SFMBT1: variants seen among roughly 807,000 people sequenced by gnomAD.
The protein encoded by SFMBT1 is Scm like with four mbt domains 1.
A neutral mutation model predicts 108.7 loss-of-function variants in SFMBT1; 32 were observed. That is an observed-to-expected ratio of 0.29 (90% confidence interval 0.22 to 0.40). SFMBT1 has a LOEUF of 0.40. SFMBT1 is among the 10% of genes least tolerant of loss of function. SFMBT1 has a pLI of 1.00. For synonymous variants in SFMBT1, 348 were observed against 369.5 expected, an observed-to-expected ratio of 0.94 and a Z score of 0.67; for missense variants, 816 against 1,059.6, an observed-to-expected ratio of 0.77 and a Z score of 3.19.
At chr3:52,939,752 T>C (rs1703125662) in intron 4 of SFMBT1, among the ~76,000 whole-genome samples, 1 of 152,150 alleles carries the variant, frequency 6.6e-6, no homozygotes, top group East Asian at 1.9e-4. Context: ...TATTTTAAAA[T>C]TTCTTTCCTT....
chr3:52,991,970 G>A (rs1327854119), intron 1 of SFMBT1, among the ~76,000 whole-genome samples: 2 of 152,214 alleles, frequency 1.3e-5, no homozygotes, highest in Non-Finnish European at 2.9e-5. Context: ...TCCCCGAGGA[G>A]GAGATTGTCC....
At chr3:52,934,096 TACTC>T (rs1489781576) in intron 5 of SFMBT1, among the ~76,000 whole-genome samples, 1 of 151,922 alleles carries the variant, frequency 6.6e-6, no homozygotes, top group Non-Finnish European at 1.5e-5. Context: ...CAAAAAAACA[TACTC>T]AACATCAACA....
chr3:53,034,279 G>C (rs1656347488), intron 1 of SFMBT1, among the ~76,000 whole-genome samples: 2 of 152,188 alleles, frequency 1.3e-5, no homozygotes, highest in South Asian at 4.1e-4. Flanking sequence ...TCTTTCCTTG[G>C]CAAGATTCAT....
At chr3:53,009,071 T>C (rs761019497) in intron 1 of SFMBT1, among the ~76,000 whole-genome samples, 1 of 149,874 alleles carries the variant, frequency 6.7e-6, no homozygotes, top group East Asian at 2.0e-4. Context: ...AGCCCAGGAG[T>C]TGGAGATCAA....
intron 2 of SFMBT1, 60 bp downstream of exon 2, chr3:52,969,041 C>T: frequency 1.3e-6 from 2 of 1,592,284 alleles, no homozygotes; most frequent in Non-Finnish European, 1.7e-6. Context: ...GACAATATAA[C>T]ACAGGCAAGT....
At chr3:52,916,267 G>A (rs1702352120) in intron 13 of SFMBT1, 53 bp from the exon 14 acceptor site, 4 of 1,511,884 alleles carry the variant, frequency 2.6e-6, no homozygotes, top group Non-Finnish European at 3.7e-6. Context: ...GATCAGTAAA[G>A]TGTGAGGCTT....
Position 52,943,484 on chromosome 3 carries a change from T to C in SFMBT1, c.233A>G (p.Gln78Arg), listed in dbSNP as rs776089661. Residue 78 changes from glutamine to arginine, a missense_variant, in exon 4 of 21, where the codon CAG (glutamine) becomes CGG (arginine). Gln to Arg is a conservative substitution (Grantham distance 43). Around this residue, in one of 5 missense-constraint regions of SFMBT1, gnomAD observed 495 missense variants for 607.4 expected, o/e 0.81. Coordinates refer to ENST00000394752, the MANE Select transcript of SFMBT1 (RefSeq NM_016329.4). ...WVATVITTCE[Q>R]LLLLRYDGYG... ...GCCATCATAGCGGAGAAGGAGCAAC[T>C]GCTCACAGGTAGTGATAACGGTGGC... 2 of 1,614,170 alleles carry C rather than the reference T, an allele frequency of 1.2e-6. No individual in the cohort carries two copies. The highest frequency in any genetic ancestry group is 1.7e-6 in the Non-Finnish European group (2 of 1,180,012).
At chr3:52,909,290 A>G (rs1702160028) in intron 17 of SFMBT1, among the ~76,000 whole-genome samples, 1 of 152,326 alleles carries the variant, frequency 6.6e-6, no homozygotes, top group East Asian at 1.9e-4. Context: ...GTGTGCTTAT[A>G]TATGCATTTA....
Position 52,912,570 on chromosome 3 carries a change from C to T in SFMBT1, c.1698G>A (p.Val566=). 1.2e-6 allele frequency: 2 copies of T among 1,614,180 alleles called. No individual in the cohort carries two copies. The highest frequency in any genetic ancestry group is 1.1e-5 in the South Asian group (1 of 91,090). The change falls in exon 16 of 21, where the codon GTG becomes GTA. Residue 566 remains valine (V), a synonymous_variant. Transcript: ENST00000394752. ...TTAGGACTTCCCCACATCCGTGCCA[C>T]ACAGAGTCTTTGTCCAGCTGGAGCT... The part of the protein sequence containing the change: ...LRELQLDKDS[V]WHGCGEVLKA...
At chr3:52,909,459 TTTAAA>T (rs1473153932) in intron 17 of SFMBT1, among the ~76,000 whole-genome samples, 3 of 152,218 alleles carry the variant, frequency 2.0e-5, no homozygotes, top group Non-Finnish European at 4.4e-5. Flanking sequence ...GATTTTGTAA[TTTAAA>T]TACTGATTAG....
chr3:52,922,128 G>C (rs578020856), intron 10 of SFMBT1, among the ~76,000 whole-genome samples: 1 of 152,244 alleles, frequency 6.6e-6, no homozygotes, highest in South Asian at 2.1e-4. Context: ...TGTCAGATGA[G>C]GTTGAGAACT....
intron 4 of SFMBT1, 31 bp downstream of exon 4, chr3:52,943,322 C>A (rs760753348): frequency 2.5e-5 from 40 of 1,613,388 alleles, no homozygotes; most frequent in Non-Finnish European, 3.3e-5. Flanking sequence ...AGTAAAATCA[C>A]GTCACGTCTT....
chr3:52,975,579 T>C (rs6801235), intron 1 of SFMBT1, among the ~76,000 whole-genome samples: 57,852 of 151,898 alleles, frequency 0.38, 11,339 homozygotes, highest in African/African-American at 0.47. Context: ...GCCTGTAATC[T>C]CAGCTACTCA....
intron 1 of SFMBT1, among the ~76,000 whole-genome samples, chr3:53,012,701 C>T (rs56665986): frequency 0.032 from 4,798 of 151,676 alleles, 442 homozygotes; most frequent in African/African-American, 0.11. Flanking sequence ...CGCGCCCGGC[C>T]GAGTGCTCTT....
chr3:52,949,568 C>CTTTTTTTTTTTTTTTTTTTT lies in SFMBT1; in HGVS notation c.123+4729_123+4748dup, dbSNP rs59842273. Among the ~76,000 whole-genome samples the CTTTTTTTTTTTTTTTTTTTT allele has an allele frequency of 1.0e-4, 8 of 77,388 alleles. 1 individual carries two copies. The highest frequency in any genetic ancestry group is 4.6e-4 in the African/African-American group (8 of 17,528). 50.8% of individuals were successfully genotyped at this position (77,388 alleles called of 152,430 possible). A position where few individuals can be genotyped will look rare whatever the true frequency, so the allele number is the denominator to read the frequency against. The stretch of plus-strand genomic sequence containing the variant: ...CCCTTTATTATTATGTAATGTCCTT[C>CTTTTTTTTTTTTTTTTTTTT]TTTTTTTTTTTTTTTTTTTTTTTTT... On this transcript the variant is annotated intron_variant, in intron 3 of 20. Transcript: ENST00000394752.
chr3:52,949,180 T>G (rs2106825119), intron 3 of SFMBT1, among the ~76,000 whole-genome samples: 1 of 152,328 alleles, frequency 6.6e-6, no homozygotes, highest in East Asian at 1.9e-4. Flanking sequence ...GAGAGCACAC[T>G]GTATGATTTA....
At chr3:53,025,198 C>A (rs1208989016) in intron 1 of SFMBT1, among the ~76,000 whole-genome samples, 1 of 152,120 alleles carries the variant, frequency 6.6e-6, no homozygotes, top group African/African-American at 2.4e-5. Flanking sequence ...TCTAGACAGC[C>A]AATGAAGAAA....
chr3:53,039,179 C>A (rs1037939222), intron 1 of SFMBT1, among the ~76,000 whole-genome samples: 2 of 152,172 alleles, frequency 1.3e-5, no homozygotes, highest in Non-Finnish European at 2.9e-5. Flanking sequence ...CTCTGCTGGG[C>A]ACATACGGAG....
intron 10 of SFMBT1, among the ~76,000 whole-genome samples, chr3:52,924,719 G>A (rs139985543): frequency 1.3e-5 from 2 of 152,182 alleles, no homozygotes; most frequent in African/African-American, 2.4e-5. Context: ...CCTTTAAAGA[G>A]CAACCCATCC....
Sources: gnomAD v4.1 joint callset for allele counts (sites outside exome capture counted in the v4.1 genomes callset) on GRCh38, gnomAD v4.1.1 for gene constraint, gnomAD v4.1.1 regional missense constraint, MANE v1.5 for transcripts, NCBI Gene and HGNC (gene_info 2026-07-23, HGNC 2026-07-21) for gene names.